GALNT14: variants seen among roughly 807,000 people sequenced by gnomAD.
GALNT14 encodes the protein polypeptide N-acetylgalactosaminyltransferase 14.
In GALNT14, 60 loss-of-function variants were observed where a neutral mutation model predicts 77.5. That is an observed-to-expected ratio of 0.77 (90% CI 0.63 to 0.96). The LOEUF (loss-of-function observed/expected upper bound fraction) is 0.96. GALNT14 is among the 40% of genes least tolerant of loss of function. GALNT14 has a pLI of 0.00. For synonymous variants in GALNT14, 280 were observed against 281.7 expected, an observed-to-expected ratio of 0.99 and a Z score of 0.06; for missense variants, 710 against 731.0, an observed-to-expected ratio of 0.97 and a Z score of 0.33.
At chr2:30,923,207 C>T (rs531835130) in intron 13 of GALNT14, among the ~76,000 whole-genome samples, 15 of 151,350 alleles carry the variant, frequency 9.9e-5, no homozygotes, top group South Asian at 2.1e-4. Flanking sequence ...GGATTACAGG[C>T]GCATGCCACC....
intron 1 of GALNT14, among the ~76,000 whole-genome samples, chr2:31,062,402 TATGGCTTC>T (rs1674658778): frequency 6.6e-6 from 1 of 152,252 alleles, no homozygotes; most frequent in South Asian, 2.1e-4. Flanking sequence ...TATTCTTTTT[TATGGCTTC>T]ATAGTATTCC....
chr2:30,905,003 G>C, the GALNT14 span, among the ~76,000 whole-genome samples: 6 of 152,174 alleles, frequency 3.9e-5, no homozygotes, highest in African/African-American at 9.6e-5. Flanking sequence ...TGAGGGTCCT[G>C]TCTGTTAGAA....
intron 10 of GALNT14, among the ~76,000 whole-genome samples, chr2:30,931,349 A>C (rs1471214892): frequency 6.6e-6 from 1 of 152,182 alleles, no homozygotes; most frequent in Non-Finnish European, 1.5e-5. Flanking sequence ...GGGGAAAGAG[A>C]GAGAATCAAG....
intron 1 of GALNT14, among the ~76,000 whole-genome samples, chr2:31,105,499 C>G (rs2365204): frequency 0.54 from 81,423 of 151,976 alleles, 22,907 homozygotes; most frequent in African/African-American, 0.7. Flanking sequence ...GCCAAGGCAG[C>G]CAGACCACTT....
the GALNT14 span, among the ~76,000 whole-genome samples, chr2:30,888,588 A>G: frequency 6.6e-6 from 1 of 152,212 alleles, no homozygotes; most frequent in African/African-American, 2.4e-5. Context: ...AACTGGAACA[A>G]CAATTTAGCA....
chr2:30,923,231 T>C (rs760874781), intron 13 of GALNT14, among the ~76,000 whole-genome samples: 25 of 151,800 alleles, frequency 1.6e-4, no homozygotes, highest in Non-Finnish European at 3.2e-4. Flanking sequence ...CCCGGCTAAT[T>C]TTTTGTATTT....
chr2:31,066,545 A>G (rs1674978270), intron 1 of GALNT14, among the ~76,000 whole-genome samples: 3 of 152,068 alleles, frequency 2.0e-5, no homozygotes, highest in South Asian at 2.1e-4. Flanking sequence ...TTTAATGAGC[A>G]CTCTTCCCTC....
intron 1 of GALNT14, among the ~76,000 whole-genome samples, chr2:31,123,924 T>C (rs536897936): frequency 6.6e-6 from 1 of 152,058 alleles, no homozygotes; most frequent in Non-Finnish European, 1.5e-5. Flanking sequence ...AGAGACACAG[T>C]TGTATCTTTC....
rs533147721 is a variant in GALNT14 at position 30,978,937 on chromosome 2, G to A, written c.300-12635C>T. On this transcript the variant is annotated intron_variant, in intron 2 of 14. Coordinates refer to ENST00000349752, the MANE Select transcript of GALNT14 (RefSeq NM_024572.4). Reference sequence around the variant, plus strand: ...CTGCCAAATTGTCTGAGGGGCAAGCGGTCTTCCTGAAGAAGACACCCTCCA... The same window carrying A: ...CTGCCAAATTGTCTGAGGGGCAAGCAGTCTTCCTGAAGAAGACACCCTCCA... Among the ~76,000 whole-genome samples the A allele has an allele frequency of 7.9e-4, 120 of 152,274 alleles. 1 individual carries two copies. The highest frequency in any genetic ancestry group is 3.4e-3 in the Middle Eastern group (1 of 294).
chr2:31,009,610 C>T (rs1381687859), intron 1 of GALNT14, among the ~76,000 whole-genome samples: 1 of 152,174 alleles, frequency 6.6e-6, no homozygotes, highest in Non-Finnish European at 1.5e-5. Context: ...GCCTACTGGA[C>T]ATGCCCACTT....
intron 1 of GALNT14, among the ~76,000 whole-genome samples, chr2:31,018,064 G>A (rs1671488750): frequency 1.3e-5 from 2 of 152,190 alleles, no homozygotes; most frequent in African/African-American, 4.8e-5. Context: ...AGCCTCAGGA[G>A]AAACAATTTT....
At chr2:30,984,720 G>A (rs894420620) in intron 2 of GALNT14, among the ~76,000 whole-genome samples, 8 of 151,944 alleles carry the variant, frequency 5.3e-5, no homozygotes, top group Non-Finnish European at 8.8e-5. Context: ...TGCCCCACTC[G>A]CCAGCACACT....
the GALNT14 span, among the ~76,000 whole-genome samples, chr2:30,904,207 G>A: frequency 6.6e-6 from 1 of 152,190 alleles, no homozygotes; most frequent in Admixed American, 6.5e-5. Context: ...CTGGGGAGGA[G>A]CCAAGATGGC....
At chr2:31,017,811 T>G (rs969268622) in intron 1 of GALNT14, among the ~76,000 whole-genome samples, 1 of 152,132 alleles carries the variant, frequency 6.6e-6, no homozygotes, top group African/African-American at 2.4e-5. Flanking sequence ...TTAAAAGAGA[T>G]TAAGCAGGGA....
chr2:31,101,449 T>C (rs1310315108), intron 1 of GALNT14, among the ~76,000 whole-genome samples: 2 of 152,020 alleles, frequency 1.3e-5, no homozygotes, highest in Non-Finnish European at 2.9e-5. Context: ...TCTGGACTAG[T>C]GCATTTTTCT....
intron 9 of GALNT14, among the ~76,000 whole-genome samples, chr2:30,938,626 G>C (rs1666199278): frequency 6.6e-6 from 1 of 152,196 alleles, no homozygotes; most frequent in African/African-American, 2.4e-5. Flanking sequence ...GCTCACCTTA[G>C]AAATACTTTG....
Position 30,912,343 on chromosome 2 carries a change from C to G in GALNT14, c.1381-1G>C. 1 of 1,613,834 alleles carries G rather than the reference C, an allele frequency of 6.2e-7. No individual in the cohort carries two copies. Among genetic ancestry groups the G allele is most frequent in the Non-Finnish European group, 8.5e-7 (1 of 1,179,894 alleles). ...GCTGGGTGTATGTGAAGGCCCATAC[C>G]TGGGGAGAAAGAGACCAGGAAGGTT... On this transcript the variant is annotated splice_acceptor_variant, in intron 13 of 14. Transcript: ENST00000349752. LOFTEE classifies it high-confidence loss of function.
intron 14 of GALNT14, 149 bp from the exon 15 acceptor site, chr2:30,911,208 C>T (rs1664338440): frequency 1.5e-6 from 1 of 649,214 alleles, no homozygotes; most frequent in African/African-American, 1.9e-5. Context: ...CAACTAATTG[C>T]TCTACCAGGT....
chr2:30,933,907 C>T (rs1162976596), intron 9 of GALNT14, among the ~76,000 whole-genome samples: 1 of 152,170 alleles, frequency 6.6e-6, no homozygotes, highest in Non-Finnish European at 1.5e-5. Flanking sequence ...ACTGTGTAAA[C>T]GCTAAGTGTG....
Sources: allele counts gnomAD v4.1 joint callset (sites outside exome capture counted in the v4.1 genomes callset), GRCh38; gene constraint gnomAD v4.1.1; transcripts MANE v1.5; gene names NCBI Gene and HGNC (gene_info 2026-07-23, HGNC 2026-07-21).